RSPRY1: variants seen among roughly 807,000 people sequenced by gnomAD.
RSPRY1 encodes ring finger and SPRY domain containing 1, also known as RING finger and SPRY domain-containing protein 1.
In RSPRY1, 23 loss-of-function variants were observed where a neutral mutation model predicts 73.1. The observed-to-expected ratio is 0.31, with a 90% CI of 0.23 to 0.45. The LOEUF is 0.45. Ranked by LOEUF, RSPRY1 falls within the 20% of genes least tolerant of loss-of-function variation. The probability of loss-of-function intolerance (pLI) is 1.00; values close to 1 mark genes in which losing one functional copy is unlikely to be tolerated. For synonymous variants in RSPRY1, 226 were observed against 251.4 expected (o/e 0.90, Z 0.95); for missense variants, 448 against 698.7 (o/e 0.64, Z 4.05).
At chr16:57,232,461 G>T (rs931077553) in intron 13 of RSPRY1, among the ~76,000 whole-genome samples, 4 of 152,118 alleles carry the variant, frequency 2.6e-5, no homozygotes, top group Non-Finnish European at 5.9e-5. Flanking sequence ...GCTCATCCTT[G>T]GTGCCTGACA....
At chr16:57,235,099 A>G in intron 13 of RSPRY1, 25 bp from the exon 14 acceptor site, 1 of 1,572,196 alleles carries the variant, frequency 6.4e-7, no homozygotes. Flanking sequence ...GACAAAATGT[A>G]TTTCAAATTG....
intron 14 of RSPRY1, among the ~76,000 whole-genome samples, chr16:57,237,788 T>C (rs1332079475): frequency 6.6e-6 from 1 of 152,122 alleles, no homozygotes; most frequent in African/African-American, 2.4e-5. Flanking sequence ...CTCAGCTCAC[T>C]GCAACCTCCG....
rs1329090124 is a variant in RSPRY1, at chr16:57,239,058, T to C, written c.*83T>C. The C allele has an allele frequency of 7.5e-6, 5 of 665,996 alleles. No homozygotes were observed. Among genetic ancestry groups the C allele is most frequent in the Non-Finnish European group, 1.2e-5 (5 of 407,452 alleles). 41.3% of individuals were successfully genotyped at this position (665,996 alleles called of 1,614,324 possible). Reference sequence around the variant, plus strand: ...GAAAAAGAAAAAAAAAACTCTCTAATCAGTTGTACACACATTGAAACTTAT... The same window carrying C: ...GAAAAAGAAAAAAAAAACTCTCTAACCAGTTGTACACACATTGAAACTTAT... On this transcript the variant is annotated 3_prime_UTR_variant, in exon 15 of 15. Coordinates refer to ENST00000394420, the MANE Select transcript of RSPRY1 (RefSeq NM_133368.3).
chr16:57,230,947 C>T, intron 12 of RSPRY1, 134 bp downstream of exon 12: 1 of 703,128 alleles, frequency 1.4e-6, no homozygotes, highest in Non-Finnish European at 2.4e-6. Context: ...ATTGGGAACC[C>T]ATTTGATCAG....
intron 1 of RSPRY1, among the ~76,000 whole-genome samples, chr16:57,199,895 G>GTTTTTTTTTTTTTTTTGTTT (rs61132783): frequency 9.4e-6 from 1 of 106,248 alleles, no homozygotes; most frequent in Admixed American, 1.1e-4. Context: ...TTTTTTGTTT[G>GTTTTTTTTTTTTTTTTGTTT]TTTTTTTTTT....
At chr16:57,226,085 A>G (rs1433599228) in intron 10 of RSPRY1, among the ~76,000 whole-genome samples, 1 of 152,120 alleles carries the variant, frequency 6.6e-6, no homozygotes, top group Non-Finnish European at 1.5e-5. Flanking sequence ...TCTCAAAGAA[A>G]AAAAAAGAAG....
intron 1 of RSPRY1, among the ~76,000 whole-genome samples, chr16:57,194,773 A>G (rs1451012834): frequency 6.6e-6 from 1 of 152,212 alleles, no homozygotes; most frequent in East Asian, 1.9e-4. Flanking sequence ...GATCTGTACT[A>G]TGGCTGAATG....
At chr16:57,212,682 T>G (rs944505492) in intron 4 of RSPRY1, among the ~76,000 whole-genome samples, 1 of 152,096 alleles carries the variant, frequency 6.6e-6, no homozygotes, top group African/African-American at 2.4e-5. Flanking sequence ...TGGCACGATC[T>G]CGGCTCACTG....
At position 57,209,263 on chromosome 16, in the gene RSPRY1, ATGTATTG is replaced by A. The variant is rs1218494448; in HGVS notation, c.516+80_516+86del. 51 of 947,036 alleles carry A rather than the reference ATGTATTG, an allele frequency of 5.4e-5. No homozygotes were observed. In the Admixed American group the frequency reaches 1.0e-3, roughly 19 times the overall value. 58.7% of individuals were successfully genotyped at this position (947,036 alleles called of 1,614,324 possible). The stretch of plus-strand genomic sequence containing the variant: ...GATAAATGACCACAAAGAACATTTG[ATGTATTG>A]TGTTTCATCTTTATACATTTGGGGT... On this transcript the variant is annotated intron_variant, in intron 4 of 14. Coordinates refer to ENST00000394420, the MANE Select transcript of RSPRY1 (RefSeq NM_133368.3).
At chr16:57,195,835 A>C (rs1335917343) in intron 1 of RSPRY1, among the ~76,000 whole-genome samples, 1 of 151,754 alleles carries the variant, frequency 6.6e-6, no homozygotes, top group Non-Finnish European at 1.5e-5. Context: ...AGCCTGGCCA[A>C]CATATTGAAA....
At chr16:57,201,104 G>A (rs1439964016) in intron 1 of RSPRY1, among the ~76,000 whole-genome samples, 2 of 151,596 alleles carry the variant, frequency 1.3e-5, no homozygotes, top group East Asian at 3.9e-4. Context: ...GGGCGGAGAC[G>A]CTCCTCACTT....
At position 57,202,293 on chromosome 16, in the gene RSPRY1, G is replaced by C. The variant is rs1464450019; in HGVS notation, c.-155-2211G>C. Among the ~76,000 whole-genome samples the C allele has an allele frequency of 5.3e-5, 8 of 152,318 alleles. No individual in the cohort carries two copies. The East Asian group carries it at 1.4e-3, about 26-fold the overall frequency. The stretch of plus-strand genomic sequence containing the variant: ...CAAGATGGTGGCAGGCCACTTCCAA[G>C]ATGGCGGCAAGCCTCTTGTTCTCTA... On this transcript the variant is annotated intron_variant, in intron 1 of 14. Coordinates refer to ENST00000394420, the MANE Select transcript of RSPRY1 (RefSeq NM_133368.3).
At chr16:57,196,036 T>A (rs199958616) in intron 1 of RSPRY1, among the ~76,000 whole-genome samples, 8,034 of 135,144 alleles carry the variant, frequency 0.059, 409 homozygotes, top group East Asian at 0.17. Context: ...AAAAAAAAAA[T>A]ATATATATAT....
At chr16:57,230,895 TTA>T (rs369322843) in intron 12 of RSPRY1, 82 bp downstream of exon 12, 2 of 839,562 alleles carry the variant, frequency 2.4e-6, no homozygotes, top group African/African-American at 1.7e-5. Context: ...CTTTGTCCAT[TTA>T]TATATGCAAT....
intron 6 of RSPRY1, among the ~76,000 whole-genome samples, chr16:57,215,631 A>G (rs2074925423): frequency 6.6e-6 from 1 of 152,256 alleles, no homozygotes; most frequent in African/African-American, 2.4e-5. Flanking sequence ...TTCAGGGAAC[A>G]GCTTAAAAAC....
chr16:57,213,993 G>A, intron 6 of RSPRY1, 47 bp downstream of exon 6: 1 of 1,264,932 alleles, frequency 7.9e-7, no homozygotes, highest in East Asian at 2.3e-5. Context: ...CTAGAAGTGG[G>A]CATCATCTAG....
At chr16:57,230,445 T>C (rs1459095933) in intron 11 of RSPRY1, among the ~76,000 whole-genome samples, 3 of 152,236 alleles carry the variant, frequency 2.0e-5, no homozygotes, top group African/African-American at 7.2e-5. Context: ...TGCGTATTTT[T>C]CCCCACATTT....
intron 10 of RSPRY1, among the ~76,000 whole-genome samples, chr16:57,224,771 G>T (rs2075094682): frequency 6.6e-6 from 1 of 152,192 alleles, no homozygotes; most frequent in Non-Finnish European, 1.5e-5. Context: ...TTGTGCTACA[G>T]TGCCACTCTG....
intron 3 of RSPRY1, 143 bp downstream of exon 3, chr16:57,208,253 C>G (rs2074763708): frequency 2.3e-6 from 1 of 437,144 alleles, no homozygotes; most frequent in African/African-American, 2.2e-5. Flanking sequence ...AAAGCCCTTA[C>G]TGTATGGAAA....
Sources: gnomAD v4.1 joint callset for allele counts (sites outside exome capture counted in the v4.1 genomes callset) on GRCh38, gnomAD v4.1.1 for gene constraint, MANE v1.5 for transcripts, NCBI Gene and HGNC (gene_info 2026-07-23, HGNC 2026-07-21) for gene names.